The following PAPPA variants were observed in gnomAD, a reference collection of about 807,000 sequenced individuals.
PAPPA encodes the protein pappalysin 1, also known as pappalysin-1.
Under a neutral mutation model 164.0 loss-of-function variants are expected in PAPPA, and 60 were observed. The observed-to-expected ratio is 0.37, with a 90% confidence interval of 0.30 to 0.45. The LOEUF (loss-of-function observed/expected upper bound fraction) is 0.45, where lower values mean the gene tolerates loss of function less well. Ranked by LOEUF, PAPPA falls within the 20% of genes least tolerant of loss-of-function variation. PAPPA has a pLI of 1.00. For missense variants in PAPPA, 1,782 were observed against 2,087.3 expected, an observed-to-expected ratio of 0.85 and a Z score of 2.85; for synonymous variants, 875 against 814.1, an observed-to-expected ratio of 1.07 and a Z score of -1.27.
At position 116,187,707 on chromosome 9, in the gene PAPPA, G is replaced by T; in HGVS notation, c.969G>T (p.Glu323Asp). 2 of 1,614,246 alleles carry T rather than the reference G, an allele frequency of 1.2e-6. No individual in the cohort carries two copies. The highest frequency in any genetic ancestry group is 1.7e-6 in the Non-Finnish European group (2 of 1,180,046). Residue 323 changes from glutamate to aspartate, a missense_variant, in exon 2 of 22, where the codon GAG becomes GAT. Physicochemically the swap from Glu to Asp is conservative, Grantham distance 45. This residue lies in a region of PAPPA where 458 missense variants were observed against 430.3 expected (regional missense o/e 1.06). Transcript: ENST00000328252. This position sits in a 1 kb window ranked among gnomAD's most constrained non-coding sequence, Gnocchi z 4.2. ...AHGFLLDTSL[E>D]PPLCGQTLCD... ...GCTTTCTGCTGGACACGAGTCTGGA[G>T]CCTCCTCTGTGCGGACAGACATTGT...
intron 19 of PAPPA, among the ~76,000 whole-genome samples, chr9:116,370,029 G>T (rs1290037655): frequency 3.9e-5 from 6 of 152,176 alleles, no homozygotes; most frequent in Non-Finnish European, 1.5e-5. Context: ...AAATAGAGCT[G>T]CTGGTGCCAG....
intron 15 of PAPPA, 47 bp from the exon 16 acceptor site, chr9:116,352,659 A>G (rs749243717): frequency 1.2e-5 from 18 of 1,471,764 alleles, no homozygotes; most frequent in Non-Finnish European, 1.7e-5. Context: ...TAGCTTGGCT[A>G]TCAGAGACTC....
At chr9:116,328,608 T>A (rs929589566) in intron 10 of PAPPA, among the ~76,000 whole-genome samples, 1 of 152,214 alleles carries the variant, frequency 6.6e-6, no homozygotes, top group African/African-American at 2.4e-5. Context: ...CACATTTCAA[T>A]ACTTTTTGAT....
rs780341266 is a variant in PAPPA, at chr9:116,302,964, C to T, written c.3147+14C>T. 1.9e-6 allele frequency: 3 copies of T among 1,609,262 alleles called. No individual in the cohort carries two copies. Among genetic ancestry groups the T allele is most frequent in the Non-Finnish European group, 1.7e-6 (2 of 1,177,082 alleles). The stretch of plus-strand genomic sequence containing the variant: ...GCAGCATCCCAGGTAAGATCCTAAC[C>T]ATGTGTGGCATTTCCTGCAGACATT... On this transcript the variant is annotated intron_variant, in intron 10 of 21. Coordinates refer to ENST00000328252, the MANE Select transcript of PAPPA (RefSeq NM_002581.5).
intron 9 of PAPPA, among the ~76,000 whole-genome samples, chr9:116,285,142 C>CTTT (rs1845317399): frequency 7.6e-6 from 1 of 131,178 alleles, no homozygotes; most frequent in Non-Finnish European, 1.7e-5. Flanking sequence ...TTTCTTTTTT[C>CTTT]TTTCTTTTTC....
At chr9:116,227,606 C>A in intron 6 of PAPPA, 54 bp downstream of exon 6, 1 of 1,594,338 alleles carries the variant, frequency 6.3e-7, no homozygotes. Context: ...AAGAACAGCT[C>A]TTTCAATGTA....
chr9:116,393,464 A>G (rs943303747), intron 21 of PAPPA, among the ~76,000 whole-genome samples: 2 of 152,312 alleles, frequency 1.3e-5, no homozygotes, highest in African/African-American at 4.8e-5. Flanking sequence ...TGAATGCATA[A>G]AGACTGAGTT....
intron 2 of PAPPA, among the ~76,000 whole-genome samples, chr9:116,206,283 A>G (rs1181380202): frequency 6.6e-6 from 1 of 152,144 alleles, no homozygotes; most frequent in Non-Finnish European, 1.5e-5. Context: ...AATTATGGTC[A>G]CAGGAATGTT....
At chr9:116,233,311 C>A (rs1844621088) in intron 6 of PAPPA, among the ~76,000 whole-genome samples, 2 of 152,194 alleles carry the variant, frequency 1.3e-5, no homozygotes, top group African/African-American at 4.8e-5. Context: ...GTTTCATATA[C>A]TGTAAAGTGC....
intron 2 of PAPPA, among the ~76,000 whole-genome samples, chr9:116,190,277 G>A (rs1587944737): frequency 6.6e-6 from 1 of 152,304 alleles, no homozygotes; most frequent in East Asian, 1.9e-4. Context: ...TGGGCGTGGG[G>A]TAGGATGGGC....
rs111765303 is a variant in PAPPA at position 116,242,505 on chromosome 9, A to G, written c.2732+6868A>G. Among the ~76,000 whole-genome samples, 277 of 152,322 alleles carry G rather than the reference A, an allele frequency of 1.8e-3. 3 individuals carry two copies. The highest frequency in any genetic ancestry group is 3.4e-3 in the Non-Finnish European group (231 of 68,036). ...TACTTCAATTCTTAGATATACTTCAATCTTTTTAGCTGCTGTACAGTATCC... is the reference window on the plus strand; with the variant it reads ...TACTTCAATTCTTAGATATACTTCAGTCTTTTTAGCTGCTGTACAGTATCC... On this transcript the variant is annotated intron_variant, in intron 7 of 21. Transcript: ENST00000328252.
At chr9:116,228,657 A>C (rs1229581803) in intron 6 of PAPPA, among the ~76,000 whole-genome samples, 4 of 152,144 alleles carry the variant, frequency 2.6e-5, no homozygotes, top group South Asian at 2.1e-4. Flanking sequence ...AATGTAAAGC[A>C]AGAGGGATGT....
At chr9:116,217,346 T>A (rs890300744) in intron 4 of PAPPA, among the ~76,000 whole-genome samples, 6 of 152,116 alleles carry the variant, frequency 3.9e-5, no homozygotes, top group Admixed American at 3.3e-4. Flanking sequence ...GGGAACTGAG[T>A]CTTCAAGTTG....
chr9:116,315,424 A>C (rs1006330970), intron 10 of PAPPA, among the ~76,000 whole-genome samples: 1 of 152,252 alleles, frequency 6.6e-6, no homozygotes. Flanking sequence ...TCCAGCATCA[A>C]GAACAGGGCC....
chr9:116,300,926 G>T (rs772252790), intron 9 of PAPPA, among the ~76,000 whole-genome samples: 19 of 151,950 alleles, frequency 1.3e-4, no homozygotes, highest in Non-Finnish European at 1.8e-4. Context: ...AGAGTTCTAT[G>T]GTTATCCTGA....
intron 1 of PAPPA, among the ~76,000 whole-genome samples, chr9:116,179,956 C>T (rs1843883876): frequency 6.6e-6 from 1 of 152,022 alleles, no homozygotes; most frequent in Admixed American, 6.6e-5. Context: ...ACCTAAATTC[C>T]CCCTTTCATC....
intron 6 of PAPPA, among the ~76,000 whole-genome samples, chr9:116,234,901 A>G (rs1844641130): frequency 6.6e-6 from 1 of 152,118 alleles, no homozygotes; most frequent in Non-Finnish European, 1.5e-5. Context: ...CTCGGTAGTG[A>G]GATGAAAGCA....
At chr9:116,325,808 A>G (rs986634918) in intron 10 of PAPPA, among the ~76,000 whole-genome samples, 4 of 152,208 alleles carry the variant, frequency 2.6e-5, no homozygotes, top group African/African-American at 7.2e-5. Flanking sequence ...AATAGGATCA[A>G]TAAGGTACAG....
chr9:116,177,740 C>G (rs747588444), intron 1 of PAPPA, among the ~76,000 whole-genome samples: 29 of 152,318 alleles, frequency 1.9e-4, no homozygotes, highest in Non-Finnish European at 3.1e-4. Context: ...GGAAAGATCT[C>G]TCTTCCAAGA....
Sources: allele counts gnomAD v4.1 joint callset (sites outside exome capture counted in the v4.1 genomes callset), GRCh38; gene constraint gnomAD v4.1.1; regional missense constraint gnomAD v4.1.1; non-coding constraint Gnocchi (gnomAD v3.1); transcripts MANE v1.5; gene names NCBI Gene and HGNC (gene_info 2026-07-23, HGNC 2026-07-21).